The following UBE2G1 variants were observed in gnomAD, a reference collection of about 807,000 sequenced individuals.
UBE2G1 encodes ubiquitin-conjugating enzyme E2 G1.
UBE2G1 carries 5 observed loss-of-function variants against 22.7 expected under a neutral mutation model. The observed-to-expected ratio is 0.22, with a 90% CI of 0.12 to 0.46. The LOEUF is 0.46. Among genes scored for constraint, UBE2G1 ranks in the 20% least tolerant of loss-of-function variants. The pLI, the probability that UBE2G1 is intolerant of heterozygous loss-of-function variation, is 0.99. For synonymous variants in UBE2G1, 74 were observed against 67.5 expected (o/e 1.10, Z -0.47); for missense variants, 88 against 203.9 (o/e 0.43, Z 3.46).
intron 1 of UBE2G1, among the ~76,000 whole-genome samples, chr17:4,359,802 A>C (rs1969946029): frequency 6.6e-6 from 1 of 151,624 alleles, no homozygotes; most frequent in Admixed American, 6.6e-5. Context: ...CAGTGAGCCA[A>C]GATCTCGCCA....
intron 3 of UBE2G1, 137 bp from the exon 4 acceptor site, chr17:4,289,545 G>T: frequency 1.0e-6 from 1 of 955,950 alleles, no homozygotes; most frequent in Non-Finnish European, 1.5e-6. Flanking sequence ...TGTCCAAAAT[G>T]CAATGTGTTG....
At chr17:4,362,843 A>G (rs1212991077) in intron 1 of UBE2G1, among the ~76,000 whole-genome samples, 2 of 152,050 alleles carry the variant, frequency 1.3e-5, no homozygotes, top group Admixed American at 1.3e-4. Flanking sequence ...GTCTGGGTGA[A>G]AGGTGGTGGT....
At chr17:4,363,927 G>A (rs551945157) in intron 1 of UBE2G1, among the ~76,000 whole-genome samples, 2 of 123,766 alleles carry the variant, frequency 1.6e-5, no homozygotes, top group East Asian at 2.3e-4. Flanking sequence ...ACTCCAGCTG[G>A]GCAACAGAGT....
At chr17:4,332,062 G>A (rs530075163) in intron 1 of UBE2G1, 1 of 152,258 alleles carries the variant, frequency 6.6e-6, no homozygotes, top group East Asian at 1.9e-4. Flanking sequence ...TGAATGCATT[G>A]TTCACTATTA....
intron 1 of UBE2G1, chr17:4,364,414 C>G (rs1340681748): frequency 5.4e-5 from 8 of 147,814 alleles, no homozygotes; most frequent in African/African-American, 2.0e-4. Context: ...CTCAGCCTCC[C>G]GATTAGCTGG....
chr17:4,281,597 T>C (rs1305890038), intron 5 of UBE2G1, among the ~76,000 whole-genome samples: 1 of 152,232 alleles, frequency 6.6e-6, no homozygotes, highest in East Asian at 1.9e-4. Context: ...GTCTTACGAA[T>C]CATCTGGCAT....
At chr17:4,284,051 G>A (rs1211629471) in intron 4 of UBE2G1, among the ~76,000 whole-genome samples, 1 of 151,752 alleles carries the variant, frequency 6.6e-6, no homozygotes, top group African/African-American at 2.4e-5. Context: ...CAGCTACTTG[G>A]GAAGCTGAGG....
chr17:4,302,316 G>A (rs7219326), intron 2 of UBE2G1: 157 of 473,660 alleles, frequency 3.3e-4, no homozygotes, highest in African/African-American at 2.8e-3. Context: ...GCGTGTGGTT[G>A]CAGCCACTCT....
chr17:4,288,417 G>A (rs1968996240), intron 4 of UBE2G1, among the ~76,000 whole-genome samples: 1 of 151,982 alleles, frequency 6.6e-6, no homozygotes, highest in African/African-American at 2.4e-5. Context: ...TAATGGAGAC[G>A]GGGTTTCACC....
At chr17:4,302,137 C>T (rs1375514366) in intron 2 of UBE2G1, 3 of 523,654 alleles carry the variant, frequency 5.7e-6, no homozygotes, top group Middle Eastern at 3.5e-4. Flanking sequence ...TATTGTGTTG[C>T]CATGTTCCCT....
rs918981045 is a variant in UBE2G1 at position 4,271,607 on chromosome 17, A to T, written c.*947T>A. The T allele has an allele frequency of 6.7e-6, 1 of 149,678 alleles. No homozygotes were observed. The highest frequency in any genetic ancestry group is 1.5e-5 in the Non-Finnish European group (1 of 67,708). The allele number at this position is 149,678 out of a possible 1,614,324, so 9.3% of individuals were successfully genotyped here. A position where few individuals can be genotyped will look rare whatever the true frequency, so the allele number is the denominator to read the frequency against. ...GGACTAAGGAGAAGGGTATGAGAGT[A>T]AATAGGATTTGTAATAGCAAACCCA... On this transcript the variant is annotated 3_prime_UTR_variant, in exon 6 of 6. Coordinates refer to ENST00000396981, the MANE Select transcript of UBE2G1 (RefSeq NM_003342.5).
At chr17:4,289,514 T>A (rs751594167) in intron 3 of UBE2G1, 106 bp from the exon 4 acceptor site, 1 of 1,238,766 alleles carries the variant, frequency 8.1e-7, no homozygotes. Flanking sequence ...TTATCAAACA[T>A]GACACATACG....
At chr17:4,319,703 C>G (rs1969415335) in intron 1 of UBE2G1, among the ~76,000 whole-genome samples, 1 of 151,670 alleles carries the variant, frequency 6.6e-6, no homozygotes, top group Non-Finnish European at 1.5e-5. Flanking sequence ...CTGCTGCACT[C>G]CAGCCTAGGC....
intron 1 of UBE2G1, among the ~76,000 whole-genome samples, chr17:4,351,450 T>C (rs1027328031): frequency 1.3e-5 from 2 of 152,184 alleles, no homozygotes; most frequent in Non-Finnish European, 2.9e-5. Context: ...ATAACGAGAA[T>C]TTTGTTGTAT....
rs538756474 is a variant in UBE2G1, at chr17:4,288,375, C to T, written c.426+855G>A. Among the ~76,000 whole-genome samples the T allele has an allele frequency of 2.0e-5, 3 of 152,038 alleles. 1 individual carries two copies. In the South Asian group the frequency reaches 6.2e-4, roughly 32 times the overall value. On this transcript the variant is annotated intron_variant, in intron 4 of 5. Transcript: ENST00000396981. ...CCGAGTAGCTGGGACTATAGGCGCCCGCCACCACGCCCGGCTAATTTTTCG... is the reference window on the plus strand; with the variant it reads ...CCGAGTAGCTGGGACTATAGGCGCCTGCCACCACGCCCGGCTAATTTTTCG...
At chr17:4,361,283 T>C (rs1969963679) in intron 1 of UBE2G1, among the ~76,000 whole-genome samples, 2 of 150,564 alleles carry the variant, frequency 1.3e-5, no homozygotes, top group South Asian at 2.1e-4. Flanking sequence ...TCCCAGCACT[T>C]TGGGAGGCCA....
chr17:4,366,215 G>T (rs1217671296), intron 1 of UBE2G1, 56 bp downstream of exon 1: 5 of 1,489,202 alleles, frequency 3.4e-6, no homozygotes, highest in East Asian at 2.8e-5. Context: ...GAGGGACTGG[G>T]CTGCGGCTGT....
intron 1 of UBE2G1, among the ~76,000 whole-genome samples, chr17:4,357,949 T>A (rs940045129): frequency 4.3e-4 from 66 of 152,002 alleles, no homozygotes; most frequent in African/African-American, 4.8e-4. Context: ...TTATAAAAAA[T>A]TTTTAAAAGA....
chr17:4,286,327 C>T (rs1968962460), intron 4 of UBE2G1, among the ~76,000 whole-genome samples: 1 of 151,298 alleles, frequency 6.6e-6, no homozygotes, highest in Non-Finnish European at 1.5e-5. Context: ...ATCACTTGAA[C>T]CCGGGAGGTG....
Sources: allele counts gnomAD v4.1 joint callset (sites outside exome capture counted in the v4.1 genomes callset), GRCh38; gene constraint gnomAD v4.1.1; transcripts MANE v1.5; gene names NCBI Gene and HGNC (gene_info 2026-07-23, HGNC 2026-07-21).